Variants in UGT1A6 observed in about 807,000 individuals in gnomAD.
The protein encoded by UGT1A6 is UDP-glucuronosyltransferase 1A6.
UGT1A6 carries 32 observed loss-of-function variants against 44.4 expected under a neutral mutation model. The observed-to-expected ratio is 0.72, with a 90% CI of 0.54 to 0.97. The LOEUF (loss-of-function observed/expected upper bound fraction) is 0.97, where lower values mean the gene tolerates loss of function less well. Ranked by LOEUF, UGT1A6 falls within the 50% of genes least tolerant of loss-of-function variation. UGT1A6 has a pLI of 0.00. For synonymous variants in UGT1A6, 238 were observed against 248.5 expected (o/e 0.96, Z 0.40); for missense variants, 685 against 661.9 (o/e 1.03, Z -0.38).
At chr2:233,728,762 C>T (rs886147418) in intron 1 of UGT1A6, among the ~76,000 whole-genome samples, 1 of 152,142 alleles carries the variant, frequency 6.6e-6, no homozygotes, top group African/African-American at 2.4e-5. Flanking sequence ...CTCCTCAGAC[C>T]TCAGCTGCTG....
intron 2 of UGT1A6, among the ~76,000 whole-genome samples, chr2:233,767,421 A>G (rs1260096333): frequency 6.6e-6 from 1 of 152,234 alleles, no homozygotes; most frequent in Non-Finnish European, 1.5e-5. Context: ...TCAAAAGTGT[A>G]TTAGGGAGAA....
intron 1 of UGT1A6, among the ~76,000 whole-genome samples, chr2:233,761,318 C>T (rs1697742330): frequency 6.6e-6 from 1 of 152,218 alleles, no homozygotes; most frequent in South Asian, 2.1e-4. Context: ...TTGGCATCAT[C>T]TTCTGGATGA....
chr2:233,700,834 T>C (rs1000855869), intron 1 of UGT1A6, among the ~76,000 whole-genome samples: 1 of 152,120 alleles, frequency 6.6e-6, no homozygotes, highest in Admixed American at 6.5e-5. Flanking sequence ...AACTCGTCAT[T>C]TAGCATTAGG....
intron 1 of UGT1A6, among the ~76,000 whole-genome samples, chr2:233,715,166 G>A (rs568439911): frequency 2.0e-5 from 3 of 152,228 alleles, no homozygotes; most frequent in East Asian, 3.9e-4. Context: ...AATTACAGGC[G>A]CGAGCCACCA....
intron 1 of UGT1A6, among the ~76,000 whole-genome samples, chr2:233,766,269 TCGGTGGCCC>T (rs2126023765): frequency 2.9e-5 from 2 of 67,956 alleles, no homozygotes; most frequent in East Asian, 5.0e-4. Flanking sequence ...TGGCCCGGGC[TCGGTGGCCC>T]GGGCTCGGTG....
intron 1 of UGT1A6, among the ~76,000 whole-genome samples, chr2:233,722,756 G>T (rs2077034440): frequency 6.6e-6 from 1 of 151,434 alleles, no homozygotes; most frequent in African/African-American, 2.4e-5. Context: ...TGTCTATAAG[G>T]CTGTTACCTA....
chr2:233,753,118 A>G (rs1695134024), intron 1 of UGT1A6: 1 of 152,220 alleles, frequency 6.6e-6, no homozygotes, highest in Non-Finnish European at 1.5e-5. Context: ...CATCCCCAGC[A>G]AACTACTCAG....
intron 1 of UGT1A6, among the ~76,000 whole-genome samples, chr2:233,727,386 G>A (rs1285965204): frequency 1.3e-5 from 2 of 152,076 alleles, no homozygotes; most frequent in Non-Finnish European, 2.9e-5. Context: ...GAGTACCACC[G>A]TCTTCCAAGA....
chr2:233,769,603 GA>G lies in UGT1A6; in HGVS notation c.1301+1165del. 1 of 1,612,818 alleles carries G rather than the reference GA, an allele frequency of 6.2e-7. No individual in the cohort carries two copies. The highest frequency in any genetic ancestry group is 1.1e-5 in the South Asian group (1 of 91,040). On this transcript the variant is annotated intron_variant, in intron 4 of 4. Transcript: ENST00000305139. This position sits in a 1 kb window ranked among gnomAD's most constrained non-coding sequence, Gnocchi z 4.4. ...CAGATGAGAGGAGACGGAACACGGG[GA>G]CACACCAGCTTGAGCAAGGGACAAC...
At chr2:233,740,898 G>T (rs1431313785) in intron 1 of UGT1A6, 2 of 148,128 alleles carry the variant, frequency 1.4e-5, no homozygotes, top group Non-Finnish European at 3.0e-5. Context: ...CAACATAGTA[G>T]GTCAACATTG....
At chr2:233,747,700 A>T (rs538337941) in intron 1 of UGT1A6, 1 of 1,612,078 alleles carries the variant, frequency 6.2e-7, no homozygotes, top group African/African-American at 1.3e-5. Context: ...GTGCTGGCTA[A>T]GTACCTATCA....
chr2:233,748,146 T>TAA, intron 1 of UGT1A6: 1 of 1,606,298 alleles, frequency 6.2e-7, no homozygotes, highest in Non-Finnish European at 8.5e-7. Flanking sequence ...TGTATTTACT[T>TAA]ACAATTGCTT....
chr2:233,755,882 G>A (rs1696054394), intron 1 of UGT1A6: 2 of 152,208 alleles, frequency 1.3e-5, no homozygotes, highest in Non-Finnish European at 2.9e-5. Context: ...ACCTTTTTAT[G>A]TAACTTTTTT....
chr2:233,713,156 C>CCA, intron 1 of UGT1A6: 1 of 1,614,194 alleles, frequency 6.2e-7, no homozygotes, highest in Non-Finnish European at 8.5e-7. Flanking sequence ...ATGCGAGAGG[C>CCA]CACCAGGTGG....
chr2:233,730,223 A>G (rs144120008), intron 1 of UGT1A6, among the ~76,000 whole-genome samples: 2 of 152,266 alleles, frequency 1.3e-5, no homozygotes, highest in Non-Finnish European at 2.9e-5. Flanking sequence ...AATGTTTGTA[A>G]AAGGATGGAC....
chr2:233,744,270 A>G (rs1372853090), intron 1 of UGT1A6, among the ~76,000 whole-genome samples: 1 of 151,776 alleles, frequency 6.6e-6, no homozygotes, highest in Non-Finnish European at 1.5e-5. Flanking sequence ...TTCTTAAAGT[A>G]GGCTTTATAT....
At chr2:233,713,978 A>G in intron 1 of UGT1A6, 1 of 1,594,024 alleles carries the variant, frequency 6.3e-7, no homozygotes, top group Non-Finnish European at 8.5e-7. Flanking sequence ...TCTGCTTCTC[A>G]TTGTTGTAAT....
At chr2:233,707,609 T>C (rs2075976108) in intron 1 of UGT1A6, among the ~76,000 whole-genome samples, 1 of 152,084 alleles carries the variant, frequency 6.6e-6, no homozygotes, top group African/African-American at 2.4e-5. Flanking sequence ...TTGTAGTTTG[T>C]GGATTGTCAG....
chr2:233,753,468 A>G (rs1476776984), intron 1 of UGT1A6: 1 of 152,192 alleles, frequency 6.6e-6, no homozygotes, highest in Non-Finnish European at 1.5e-5. Flanking sequence ...TTCTGTAAAA[A>G]ATTACCAGCA....
Sources: allele counts gnomAD v4.1 joint callset (sites outside exome capture counted in the v4.1 genomes callset), GRCh38; gene constraint gnomAD v4.1.1; non-coding constraint Gnocchi (gnomAD v3.1); transcripts MANE v1.5; gene names NCBI Gene and HGNC (gene_info 2026-07-23, HGNC 2026-07-21).